FRMD4B: variants seen among roughly 807,000 people sequenced by gnomAD.
FRMD4B encodes FERM domain-containing protein 4B.
Under a neutral mutation model 141.5 loss-of-function variants are expected in FRMD4B, and 74 were observed. That is an observed-to-expected ratio of 0.52 (90% CI 0.43 to 0.63). The LOEUF (loss-of-function observed/expected upper bound fraction) is 0.63. Ranked by LOEUF, FRMD4B falls within the 30% of genes least tolerant of loss-of-function variation. FRMD4B has a pLI of 0.00. For synonymous variants in FRMD4B, 506 were observed against 467.9 expected, an observed-to-expected ratio of 1.08 and a Z score of -1.05; for missense variants, 1,366 against 1,253.4, an observed-to-expected ratio of 1.09 and a Z score of -1.36.
At chr3:69,540,543 G>C (rs190179306) in intron 1 of FRMD4B, among the ~76,000 whole-genome samples, 5,858 of 145,808 alleles carry the variant, frequency 0.04, 453 homozygotes, top group African/African-American at 0.14. Flanking sequence ...GAACTCGGGA[G>C]GCAGAGGTTG....
chr3:69,521,203 TG>T (rs1261180916), intron 1 of FRMD4B, among the ~76,000 whole-genome samples: 1 of 152,156 alleles, frequency 6.6e-6, no homozygotes, highest in Admixed American at 6.5e-5. Flanking sequence ...GCACCCACTA[TG>T]GGGGTCTGGC....
intron 5 of FRMD4B, among the ~76,000 whole-genome samples, chr3:69,283,770 C>G (rs888307486): frequency 2.0e-5 from 3 of 152,162 alleles, no homozygotes; most frequent in Admixed American, 6.5e-5. Context: ...ATATAGGTGT[C>G]TACTCATCAG....
chr3:69,261,035 A>G (rs1282745097), intron 5 of FRMD4B, among the ~76,000 whole-genome samples: 1 of 152,192 alleles, frequency 6.6e-6, no homozygotes, highest in Non-Finnish European at 1.5e-5. Context: ...GGGGTCAGAT[A>G]AGGGAATAAA....
chr3:69,343,002 T>C (rs1191113463), intron 1 of FRMD4B, among the ~76,000 whole-genome samples: 4 of 152,200 alleles, frequency 2.6e-5, no homozygotes. Context: ...CAGGCTGGAA[T>C]GCAGTAGTAG....
chr3:69,503,729 C>T (rs988563702), intron 1 of FRMD4B, among the ~76,000 whole-genome samples: 1 of 152,062 alleles, frequency 6.6e-6, no homozygotes, highest in Non-Finnish European at 1.5e-5. Context: ...TCTCCATGCC[C>T]CATCATGCAT....
At chr3:69,244,150 T>C (rs995952910) in intron 7 of FRMD4B, among the ~76,000 whole-genome samples, 3 of 152,102 alleles carry the variant, frequency 2.0e-5, no homozygotes, top group Non-Finnish European at 4.4e-5. Flanking sequence ...GAATGAGGGC[T>C]GAGAAAGTTG....
intron 1 of FRMD4B, among the ~76,000 whole-genome samples, chr3:69,367,300 C>G (rs1356128859): frequency 6.6e-6 from 1 of 152,116 alleles, no homozygotes. Flanking sequence ...GTAAGAGAAG[C>G]AGAAACTTCT....
At chr3:69,258,276 G>A (rs1014777209) in intron 5 of FRMD4B, among the ~76,000 whole-genome samples, 3 of 151,702 alleles carry the variant, frequency 2.0e-5, no homozygotes. Flanking sequence ...AGTATATTCA[G>A]TATTTAATTT....
chr3:69,212,702 T>A (rs990044009), intron 11 of FRMD4B, among the ~76,000 whole-genome samples: 1 of 152,246 alleles, frequency 6.6e-6, no homozygotes, highest in Non-Finnish European at 1.5e-5. Context: ...CAAAGCCTGG[T>A]TGCTGTTAGC....
intron 1 of FRMD4B, among the ~76,000 whole-genome samples, chr3:69,517,023 T>C (rs1276568502): frequency 6.6e-6 from 1 of 152,172 alleles, no homozygotes; most frequent in Non-Finnish European, 1.5e-5. Flanking sequence ...AACCCATTAT[T>C]TGGGGGCCTT....
intron 1 of FRMD4B, among the ~76,000 whole-genome samples, chr3:69,443,843 G>C (rs987362715): frequency 9.2e-5 from 14 of 152,292 alleles, no homozygotes; most frequent in Middle Eastern, 3.4e-3. Flanking sequence ...TTACAAGAGG[G>C]CCTGAATTCT....
chr3:69,524,495 A>G (rs1436874138), intron 1 of FRMD4B, among the ~76,000 whole-genome samples: 1 of 152,228 alleles, frequency 6.6e-6, no homozygotes, highest in Non-Finnish European at 1.5e-5. Flanking sequence ...GTTTTAATAA[A>G]GACCAAGGGA....
chr3:69,356,426 C>T (rs1043872263), intron 1 of FRMD4B, among the ~76,000 whole-genome samples: 10 of 152,038 alleles, frequency 6.6e-5, no homozygotes, highest in Non-Finnish European at 1.3e-4. Context: ...TTCTCTCGTG[C>T]TGGATGCTTC....
intron 1 of FRMD4B, among the ~76,000 whole-genome samples, chr3:69,365,636 G>C (rs1382157138): frequency 6.6e-6 from 1 of 151,868 alleles, no homozygotes; most frequent in African/African-American, 2.4e-5. Context: ...GAATAGCTGG[G>C]ATTACATGCG....
chr3:69,197,106 G>C, intron 12 of FRMD4B, 68 bp from the exon 13 acceptor site: 2 of 1,324,746 alleles, frequency 1.5e-6, no homozygotes, highest in Non-Finnish European at 1.1e-6. Flanking sequence ...TGTACCCTGC[G>C]AGCAGCATTG....
rs76947755 is a variant in FRMD4B, at chr3:69,397,118, A to G, written c.-1+35516T>C. On this transcript the variant is annotated intron_variant, in intron 2 of 5. Coordinates refer to the FRMD4B transcript ENST00000459638. ...AAAAGTAGAAACAACTCAAGTGTCC[A>G]TCACTTGATGAGTGGATATACAAAA... is the stretch of plus-strand genomic sequence containing the variant. 6.3e-3 allele frequency among the ~76,000 whole-genome samples: 960 copies of G among 152,360 alleles called. 11 individuals carry two copies. The highest frequency in any genetic ancestry group is 8.6e-3 in the Non-Finnish European group (582 of 68,028).
chr3:69,501,894 A>C (rs1706503518), intron 1 of FRMD4B, among the ~76,000 whole-genome samples: 1 of 152,192 alleles, frequency 6.6e-6, no homozygotes. Flanking sequence ...AAAACAGACA[A>C]ACAGAGAGCC....
intron 1 of FRMD4B, among the ~76,000 whole-genome samples, chr3:69,473,904 CT>C (rs1705936011): frequency 6.6e-6 from 1 of 152,156 alleles, no homozygotes; most frequent in Non-Finnish European, 1.5e-5. Context: ...TGTTATTGAT[CT>C]TTCAAGGGTT....
chr3:69,309,026 A>G (rs1701484480), intron 3 of FRMD4B, among the ~76,000 whole-genome samples: 1 of 152,216 alleles, frequency 6.6e-6, no homozygotes, highest in Admixed American at 6.5e-5. Flanking sequence ...GCATTGCAAT[A>G]TGAGCTCCAT....
Sources: gnomAD v4.1 joint callset for allele counts (sites outside exome capture counted in the v4.1 genomes callset) on GRCh38, gnomAD v4.1.1 for gene constraint, MANE v1.5 for transcripts, NCBI Gene and HGNC (gene_info 2026-07-23, HGNC 2026-07-21) for gene names.